NEGR1: variants seen among roughly 807,000 people sequenced by gnomAD.
NEGR1 encodes IgLON family member 4.
NEGR1 carries 10 observed loss-of-function variants against 40.9 expected under a neutral mutation model. That is an observed-to-expected ratio of 0.24 (90% CI 0.15 to 0.42). The LOEUF is 0.42. Ranked by LOEUF, NEGR1 falls within the 10% of genes least tolerant of loss-of-function variation. NEGR1 has a pLI of 1.00. For missense variants in NEGR1, 352 were observed against 438.9 expected (o/e 0.80, Z 1.77); for synonymous variants, 185 against 166.8 (o/e 1.11, Z -0.84).
chr1:71,848,870 G>A (rs964077274), intron 2 of NEGR1, among the ~76,000 whole-genome samples: 1 of 152,072 alleles, frequency 6.6e-6, no homozygotes, highest in Non-Finnish European at 1.5e-5. Context: ...GGTGGATCAC[G>A]TGGTTAGTTA....
chr1:71,540,767 G>A (rs1415932258), intron 6 of NEGR1, among the ~76,000 whole-genome samples: 3 of 151,610 alleles, frequency 2.0e-5, no homozygotes, highest in African/African-American at 7.3e-5. Context: ...CCTGAGACTG[G>A]GTAATTTATA....
intron 1 of NEGR1, among the ~76,000 whole-genome samples, chr1:72,208,346 A>G (rs1268200347): frequency 6.6e-6 from 1 of 151,760 alleles, no homozygotes; most frequent in Non-Finnish European, 1.5e-5. Context: ...TTTCTGTCAA[A>G]TTATGAAAAT....
intron 3 of NEGR1, among the ~76,000 whole-genome samples, chr1:71,712,825 A>G (rs1486742513): frequency 6.6e-6 from 1 of 152,010 alleles, no homozygotes; most frequent in African/African-American, 2.4e-5. Flanking sequence ...CTCATAAGAT[A>G]TGGTTGTTTG....
intron 2 of NEGR1, among the ~76,000 whole-genome samples, chr1:71,858,695 T>C (rs1659855680): frequency 6.6e-6 from 1 of 152,058 alleles, no homozygotes; most frequent in Non-Finnish European, 1.5e-5. Context: ...AAATACCTAA[T>C]GGCTCTCCCA....
intron 4 of NEGR1, among the ~76,000 whole-genome samples, chr1:71,645,907 G>A (rs1424376729): frequency 3.3e-5 from 5 of 151,690 alleles, no homozygotes; most frequent in African/African-American, 9.7e-5. Flanking sequence ...CATAGGTAAT[G>A]GACTCTAGAC....
At chr1:71,454,437 T>G (rs927373717) in intron 6 of NEGR1, among the ~76,000 whole-genome samples, 4 of 152,034 alleles carry the variant, frequency 2.6e-5, no homozygotes, top group Non-Finnish European at 5.9e-5. Flanking sequence ...TTACCTCTAC[T>G]GTGACATTTT....
intron 1 of NEGR1, among the ~76,000 whole-genome samples, chr1:72,160,573 C>T (rs1570059058): frequency 6.6e-6 from 1 of 152,022 alleles, no homozygotes; most frequent in African/African-American, 2.4e-5. Context: ...GTATTGAAAT[C>T]CAAATTTGGA....
intron 6 of NEGR1, among the ~76,000 whole-genome samples, chr1:71,479,109 A>G (rs1189114388): frequency 2.0e-5 from 3 of 152,072 alleles, no homozygotes; most frequent in African/African-American, 7.2e-5. Context: ...TCCATATGAA[A>G]TAGGCAGAAA....
intron 1 of NEGR1, among the ~76,000 whole-genome samples, chr1:72,261,533 C>T (rs1321802408): frequency 6.6e-6 from 1 of 151,966 alleles, no homozygotes; most frequent in Non-Finnish European, 1.5e-5. Flanking sequence ...ACTGAAAGGC[C>T]TTGTAATTAA....
intron 1 of NEGR1, among the ~76,000 whole-genome samples, chr1:72,085,559 G>A (rs1569938296): frequency 6.6e-6 from 1 of 152,252 alleles, no homozygotes; most frequent in African/African-American, 2.4e-5. Context: ...AAAAGCATCT[G>A]CTGTCTTTCC....
At chr1:71,602,942 A>G (rs1477547901) in intron 5 of NEGR1, among the ~76,000 whole-genome samples, 6 of 152,206 alleles carry the variant, frequency 3.9e-5, no homozygotes. Context: ...CTGGCCTTGA[A>G]TGTTAAAGTC....
intron 2 of NEGR1, among the ~76,000 whole-genome samples, chr1:71,830,628 A>G (rs1362531179): frequency 6.6e-6 from 1 of 151,902 alleles, no homozygotes; most frequent in Admixed American, 6.6e-5. Flanking sequence ...TGTTAGTAAG[A>G]GTCAAAGAAA....
chr1:72,034,985 T>C (rs1324364030), intron 1 of NEGR1, among the ~76,000 whole-genome samples: 1 of 152,070 alleles, frequency 6.6e-6, no homozygotes, highest in Admixed American at 6.6e-5. Flanking sequence ...ACCACGTTTA[T>C]GGTGTCATGG....
At chr1:72,135,237 G>A (rs1440461631) in intron 1 of NEGR1, among the ~76,000 whole-genome samples, 4 of 149,718 alleles carry the variant, frequency 2.7e-5, no homozygotes, top group African/African-American at 7.3e-5. Context: ...TTAGCCAGGC[G>A]TGGTGGCGGG....
intron 4 of NEGR1, among the ~76,000 whole-genome samples, chr1:71,630,039 T>C (rs1322769207): frequency 1.3e-5 from 2 of 152,068 alleles, no homozygotes; most frequent in African/African-American, 2.4e-5. Context: ...TCACTTCTAA[T>C]TTAATATAAA....
intron 1 of NEGR1, among the ~76,000 whole-genome samples, chr1:71,961,137 C>G (rs1318085751): frequency 6.6e-6 from 1 of 152,082 alleles, no homozygotes; most frequent in Admixed American, 6.5e-5. Context: ...AAGCATTATT[C>G]ACTATTAAGT....
Position 71,678,057 on chromosome 1 carries a change from C to T in NEGR1, c.667+19951G>A, listed in dbSNP as rs916550263. On this transcript the variant is annotated intron_variant, in intron 4 of 6. Coordinates refer to ENST00000357731, the MANE Select transcript of NEGR1 (RefSeq NM_173808.3). ...ATTTTTTATTTTTACAGAGCACATG[C>T]AGATACATGATGACAGATCATGACA... 3.0e-4 allele frequency among the ~76,000 whole-genome samples: 5 copies of T among 16,592 alleles called. No homozygotes were observed. The Admixed American group carries it at 3.7e-3, about 12-fold the overall frequency. The allele number at this position is 16,592 out of a possible 152,430, so 10.9% of individuals were successfully genotyped here.
intron 4 of NEGR1, among the ~76,000 whole-genome samples, chr1:71,634,966 G>C (rs906125259): frequency 6.6e-6 from 1 of 152,050 alleles, no homozygotes; most frequent in Non-Finnish European, 1.5e-5. Context: ...AACCAGGTTT[G>C]CTCAAAAAGT....
intron 1 of NEGR1, among the ~76,000 whole-genome samples, chr1:72,065,400 A>G (rs12408173): frequency 0.38 from 58,200 of 151,850 alleles, 12,124 homozygotes; most frequent in East Asian, 0.6. Flanking sequence ...TATGGTAGCT[A>G]CTGATCCATT....
Sources: allele counts gnomAD v4.1 joint callset (sites outside exome capture counted in the v4.1 genomes callset), GRCh38; gene constraint gnomAD v4.1.1; transcripts MANE v1.5; gene names NCBI Gene and HGNC (gene_info 2026-07-23, HGNC 2026-07-21).